GSG1: variants seen among roughly 807,000 people sequenced by gnomAD.
The protein encoded by GSG1 is germ cell-specific gene 1 protein.
GSG1 carries 28 observed loss-of-function variants against 30.8 expected under a neutral mutation model. The observed-to-expected ratio is 0.91, with a 90% CI of 0.67 to 1.25. GSG1 has a LOEUF of 1.25. GSG1 is among the 50% of genes most tolerant of loss of function. GSG1 has a pLI of 0.00. For synonymous variants in GSG1, 162 were observed against 178.0 expected (o/e 0.91, Z 0.71); for missense variants, 435 against 444.7 (o/e 0.98, Z 0.20).
chr12:13,095,784 G>A, intron 1 of GSG1: 1 of 1,505,394 alleles, frequency 6.6e-7, no homozygotes, highest in Non-Finnish European at 8.9e-7. Flanking sequence ...CTGCCTTACA[G>A]GGAACACGGG....
At chr12:13,087,770 A>T in intron 5 of GSG1, 137 bp downstream of exon 5, 2 of 798,752 alleles carry the variant, frequency 2.5e-6, no homozygotes, top group Non-Finnish European at 3.8e-6. Context: ...ACTTCAATTT[A>T]AAATTAAAGA....
chr12:13,096,669 T>C (rs919109033), intron 1 of GSG1, among the ~76,000 whole-genome samples: 1 of 152,044 alleles, frequency 6.6e-6, no homozygotes, highest in African/African-American at 2.4e-5. Context: ...AATGACAATA[T>C]TTTATATTTC....
chr12:13,098,219 TC>T (rs1459915678), intron 1 of GSG1, among the ~76,000 whole-genome samples: 1 of 151,756 alleles, frequency 6.6e-6, no homozygotes, highest in Non-Finnish European at 1.5e-5. Context: ...TGGCGCTATC[TC>T]CTCGTCGTTT....
chr12:13,084,778 C>T lies in GSG1; in HGVS notation c.*123G>A. 1 of 653,404 alleles carries T rather than the reference C, an allele frequency of 1.5e-6. No individual in the cohort carries two copies. Among genetic ancestry groups the T allele is most frequent in the Non-Finnish European group, 2.6e-6 (1 of 380,214 alleles). 40.5% of individuals were successfully genotyped at this position (653,404 alleles called of 1,614,324 possible). ...TTAGGACTTAAAGATAACCCTTATT[C>T]ATAGCCTTATTCGTAGCCTCTAAAA... is the stretch of plus-strand genomic sequence containing the variant. On this transcript the variant is annotated 3_prime_UTR_variant, in exon 7 of 7. Transcript: ENST00000651961.
intron 3 of GSG1, 87 bp from the exon 4 acceptor site, chr12:13,088,996 C>G: frequency 6.6e-7 from 1 of 1,504,706 alleles, no homozygotes; most frequent in South Asian, 1.2e-5. Flanking sequence ...TGGTACTGCT[C>G]CCTCTGCTCT....
At chr12:13,086,959 T>A (rs1045495816) in intron 6 of GSG1, among the ~76,000 whole-genome samples, 193 bp downstream of exon 6, 1 of 152,184 alleles carries the variant, frequency 6.6e-6, no homozygotes, top group Non-Finnish European at 1.5e-5. Context: ...ACTCGAGGAA[T>A]CCTTCCTGTA....
At chr12:13,097,644 T>A (rs1488428019) in intron 1 of GSG1, among the ~76,000 whole-genome samples, 1 of 152,234 alleles carries the variant, frequency 6.6e-6, no homozygotes, top group African/African-American at 2.4e-5. Context: ...CTTTGGAAGT[T>A]TGGAAAATAT....
At chr12:13,099,892 G>A (rs767794559) in intron 1 of GSG1, among the ~76,000 whole-genome samples, 3 of 151,922 alleles carry the variant, frequency 2.0e-5, no homozygotes, top group South Asian at 2.1e-4. Context: ...GCTCCTTTCT[G>A]TTACTCAGTA....
intron 1 of GSG1, chr12:13,095,482 AT>A (rs1268816977): frequency 9.8e-7 from 1 of 1,020,380 alleles, no homozygotes; most frequent in African/African-American, 1.6e-5. Flanking sequence ...GTAACCCAGA[AT>A]TAGCATAGGC....
At chr12:13,091,717 A>G (rs1866166403) in intron 1 of GSG1, among the ~76,000 whole-genome samples, 2 of 152,134 alleles carry the variant, frequency 1.3e-5, no homozygotes, top group Admixed American at 6.5e-5. Context: ...ATAAATAACA[A>G]CAATAGATCA....
In GSG1 at chr12:13,085,165, C is replaced by T. The variant is rs763664564; in HGVS notation, c.825G>A (p.Glu275=). Reference sequence around the variant, plus strand: ...AGCTCTTACTATGCTTGCACTTGAACTCCAGCACCATCCTGGTGTACGTGT... The same window carrying T: ...AGCTCTTACTATGCTTGCACTTGAATTCCAGCACCATCCTGGTGTACGTGT... ...TFNTYTRMVL[E]FKCKHSKSFK... The change falls in exon 7 of 7, where the codon GAG becomes GAA. Residue 275 remains glutamate (E), a synonymous_variant. Coordinates refer to ENST00000651961, the MANE Select transcript of GSG1 (RefSeq NM_001080555.4). 6.2e-7 allele frequency: 1 copy of T among 1,614,130 alleles called. No homozygotes were observed. The highest frequency in any genetic ancestry group is 1.3e-5 in the African/African-American group (1 of 75,040).
In GSG1 at chr12:13,088,050, C is replaced by A; in HGVS notation, c.491G>T (p.Trp164Leu). 1 of 1,614,186 alleles carries A rather than the reference C, an allele frequency of 6.2e-7. No individual in the cohort carries two copies. The highest frequency in any genetic ancestry group is 1.1e-5 in the South Asian group (1 of 91,074). Residue 164 changes from tryptophan (W) to leucine (L), a missense_variant, in exon 5 of 7, where the codon TGG becomes TTG. Trp to Leu is a moderately conservative substitution (Grantham distance 61). Transcript: ENST00000651961. The part of the protein sequence containing the change: ...LTPPAKREIL[W>L]LSLGTQITYI... ...GGTGATCTGCGTTCCCAGGGATAAC[C>A]ATAGGATTTCTGCCAGAAACCAGAG... is the stretch of plus-strand genomic sequence containing the variant.
chr12:13,086,545 A>T (rs77482691), intron 6 of GSG1, among the ~76,000 whole-genome samples: 5,500 of 152,280 alleles, frequency 0.036, 341 homozygotes, highest in African/African-American at 0.12. Flanking sequence ...ATAATATTTA[A>T]CTTGAATGTG....
At chr12:13,095,660 C>T in intron 1 of GSG1, 1 of 1,614,032 alleles carries the variant, frequency 6.2e-7, no homozygotes, top group East Asian at 2.2e-5. Flanking sequence ...ATCTGCACTC[C>T]AAGTCCCTTT....
Position 13,087,226 on chromosome 12 carries a change from T to C in GSG1, c.672A>G (p.Gln224=). ...CCAAGTTGACAGTCGCTTGGAAGAC[T>C]TGTGAATACATCATGTGGGCCACCA... ...LGMVAHMMYS[Q]VFQATVNLGP... The change falls in exon 6 of 7, where the codon CAA becomes CAG. Residue 224 remains glutamine (Q), a synonymous_variant. Transcript: ENST00000651961. 6.2e-7 allele frequency: 1 copy of C among 1,614,112 alleles called. No homozygotes were observed. Among genetic ancestry groups the C allele is most frequent in the Non-Finnish European group, 8.5e-7 (1 of 1,179,948 alleles).
At chr12:13,088,148 A>C in intron 4 of GSG1, 89 bp from the exon 5 acceptor site, 1 of 1,382,496 alleles carries the variant, frequency 7.2e-7, no homozygotes, top group Non-Finnish European at 1.0e-6. Flanking sequence ...TTAGGAGTTA[A>C]GACCCTAGCA....
chr12:13,091,616 A>G (rs1233585275), intron 1 of GSG1, among the ~76,000 whole-genome samples: 1 of 152,202 alleles, frequency 6.6e-6, no homozygotes, highest in Non-Finnish European at 1.5e-5. Flanking sequence ...AGGTGGGAGG[A>G]TCACCTGAGC....
chr12:13,089,927 T>A (rs980573535), intron 2 of GSG1, among the ~76,000 whole-genome samples: 5 of 152,154 alleles, frequency 3.3e-5, no homozygotes, highest in Non-Finnish European at 7.3e-5. Flanking sequence ...CACATGCCTG[T>A]AATCCCAGCT....
At chr12:13,088,156 G>T in intron 4 of GSG1, 97 bp from the exon 5 acceptor site, 2 of 1,331,154 alleles carry the variant, frequency 1.5e-6, no homozygotes, top group Non-Finnish European at 2.1e-6. Context: ...TAAGACCCTA[G>T]CAGCATCTGA....
Sources: gnomAD v4.1 joint callset for allele counts (sites outside exome capture counted in the v4.1 genomes callset) on GRCh38, gnomAD v4.1.1 for gene constraint, MANE v1.5 for transcripts, NCBI Gene and HGNC (gene_info 2026-07-23, HGNC 2026-07-21) for gene names.